PVT1: variants seen among roughly 807,000 people sequenced by gnomAD.
PVT1 encodes Pvt1 oncogene.
chr8:127,822,581 A>G (rs879658225), intron 2 of PVT1, among the ~76,000 whole-genome samples: 1 of 152,194 alleles, frequency 6.6e-6, no homozygotes, highest in Admixed American at 6.5e-5. Flanking sequence ...TGTCTCAGAA[A>G]AGAAAGAAAG....
At chr8:127,832,636 A>G (rs1712855499) in intron 2 of PVT1, among the ~76,000 whole-genome samples, 1 of 152,208 alleles carries the variant, frequency 6.6e-6, no homozygotes, top group South Asian at 2.1e-4. Flanking sequence ...AGGCGGGCGG[A>G]TCACGAGGTC....
chr8:128,012,196 C>A (rs1817321873), intron 4 of PVT1, among the ~76,000 whole-genome samples: 1 of 151,970 alleles, frequency 6.6e-6, no homozygotes, highest in East Asian at 1.9e-4. Context: ...TATTGTGGTA[C>A]CTTGGTTGGC....
rs146503863 is a variant in PVT1, at chr8:127,853,381, G to C, written n.373-37208G>C. Among the ~76,000 whole-genome samples, 4 of 152,300 alleles carry C rather than the reference G, an allele frequency of 2.6e-5. No individual in the cohort carries two copies. The South Asian group carries it at 6.2e-4, about 24-fold the overall frequency. On this transcript the variant is annotated intron_variant and non_coding_transcript_variant, in intron 2 of 10. Coordinates refer to ENST00000651587, the Ensembl canonical transcript of PVT1. ...AGCAGTGGAGGCCCCCCACGAGTGA[G>C]TTTGAGGGGCCTCTTTAGCTCAGTC...
chr8:127,961,308 C>T (rs530961023), intron 3 of PVT1, among the ~76,000 whole-genome samples: 1 of 152,256 alleles, frequency 6.6e-6, no homozygotes, highest in East Asian at 1.9e-4. Context: ...GGTGACGGGG[C>T]CTGAGCTGGA....
chr8:128,073,128 C>G (rs896320669), intron 5 of PVT1, among the ~76,000 whole-genome samples: 1 of 152,046 alleles, frequency 6.6e-6, no homozygotes, highest in African/African-American at 2.4e-5. Context: ...CCACCGCACC[C>G]GGCCCACCTG....
At chr8:128,043,902 C>T (rs542728511) in intron 4 of PVT1, among the ~76,000 whole-genome samples, 12 of 149,342 alleles carry the variant, frequency 8.0e-5, no homozygotes, top group African/African-American at 2.5e-4. Context: ...GGTGCAATCA[C>T]GGCAGCCTTG....
chr8:127,973,897 G>A (rs1305195398), intron 3 of PVT1, among the ~76,000 whole-genome samples: 5 of 151,666 alleles, frequency 3.3e-5, no homozygotes, highest in East Asian at 3.9e-4. Context: ...GGAGAATGGC[G>A]TGAACCCGGG....
intron 2 of PVT1, among the ~76,000 whole-genome samples, chr8:127,819,145 G>A (rs1563613719): frequency 6.6e-6 from 1 of 152,198 alleles, no homozygotes; most frequent in Non-Finnish European, 1.5e-5. Flanking sequence ...AGCAAAATCC[G>A]TGCTCGGTAA....
intron 4 of PVT1, among the ~76,000 whole-genome samples, chr8:128,002,574 T>A (rs1008220064): frequency 2.6e-5 from 4 of 152,206 alleles, no homozygotes; most frequent in Admixed American, 2.0e-4. Context: ...TCTCCCGGCC[T>A]CTGCTGGAGG....
intron 6 of PVT1, chr8:128,096,674 A>T (rs1814433201): frequency 6.6e-6 from 1 of 152,120 alleles, no homozygotes; most frequent in Non-Finnish European, 1.5e-5. Flanking sequence ...GCCAGCTGAG[A>T]CCTCCAGGGG....
chr8:128,019,638 A>G (rs1817411376), intron 4 of PVT1, among the ~76,000 whole-genome samples: 1 of 152,216 alleles, frequency 6.6e-6, no homozygotes, highest in Non-Finnish European at 1.5e-5. Flanking sequence ...AATGGTATTG[A>G]TAAGTGTGCC....
chr8:128,021,290 C>T (rs200092980), intron 4 of PVT1, among the ~76,000 whole-genome samples: 20 of 81,134 alleles, frequency 2.5e-4, no homozygotes, highest in South Asian at 1.7e-3. Flanking sequence ...AGGACTTGTG[C>T]TTTTTTTTTT....
At chr8:127,915,376 G>T (rs577303225) in intron 3 of PVT1, among the ~76,000 whole-genome samples, 2 of 151,704 alleles carry the variant, frequency 1.3e-5, no homozygotes, top group African/African-American at 4.8e-5. Flanking sequence ...TTGGGAGGCC[G>T]AGGCGGGCGG....
At chr8:128,079,630 C>G (rs1814147665) in intron 5 of PVT1, among the ~76,000 whole-genome samples, 1 of 152,200 alleles carries the variant, frequency 6.6e-6, no homozygotes, top group Non-Finnish European at 1.5e-5. Context: ...TCATTACTCC[C>G]TCTCTCACAC....
At chr8:128,061,816 C>T (rs140057070) in intron 4 of PVT1, among the ~76,000 whole-genome samples, 2 of 152,344 alleles carry the variant, frequency 1.3e-5, no homozygotes, top group East Asian at 1.9e-4. Context: ...CATTTGAATA[C>T]TTGCATTTGT....
chr8:128,053,079 C>T (rs1010900493), intron 4 of PVT1, among the ~76,000 whole-genome samples: 1 of 152,186 alleles, frequency 6.6e-6, no homozygotes, highest in Non-Finnish European at 1.5e-5. Context: ...TGGGTAAGTT[C>T]TCACTGCAGT....
Position 128,015,091 on chromosome 8 carries a change from ATTAT to A in PVT1, n.912+25811_912+25814del, listed in dbSNP as rs1554604352. ...TATTTATTTATTTATTTATTTATTTATTATTTATTTATTTTTGAGACAGGGTTTC... is the reference window on the plus strand; with the variant it reads ...TATTTATTTATTTATTTATTTATTTATTATTTATTTTTGAGACAGGGTTTC... On this transcript the variant is annotated intron_variant and non_coding_transcript_variant, in intron 4 of 10. Coordinates refer to ENST00000651587, the Ensembl canonical transcript of PVT1. Among the ~76,000 whole-genome samples the A allele has an allele frequency of 1.2e-3, 166 of 139,202 alleles. 1 individual carries two copies. The highest frequency in any genetic ancestry group is 4.0e-3 in the African/African-American group (146 of 36,108). The allele number at this position is 139,202 out of a possible 152,430, so 91.3% of individuals were successfully genotyped here. A position where few individuals can be genotyped will look rare whatever the true frequency, so the allele number is the denominator to read the frequency against.
At chr8:128,020,462 G>C (rs1365619484) in intron 4 of PVT1, among the ~76,000 whole-genome samples, 1 of 152,192 alleles carries the variant, frequency 6.6e-6, no homozygotes, top group Non-Finnish European at 1.5e-5. Context: ...GCTCTGAAAT[G>C]TGGGGCCCAC....
chr8:128,098,840 T>C (rs985650368), intron 6 of PVT1, among the ~76,000 whole-genome samples: 2 of 152,182 alleles, frequency 1.3e-5, no homozygotes, highest in African/African-American at 4.8e-5. Context: ...CCAGGGATCC[T>C]GGCCCCTGTG....
Sources: gnomAD v4.1 joint callset for allele counts (sites outside exome capture counted in the v4.1 genomes callset) on GRCh38, gnomAD v4.1.1 for gene constraint, MANE v1.5 for transcripts, NCBI Gene and HGNC (gene_info 2026-07-23, HGNC 2026-07-21) for gene names.